The following CA8 variants were observed in gnomAD, a reference collection of about 807,000 sequenced individuals.
CA8 encodes carbonic anhydrase 8 (inactive).
CA8 carries 22 observed loss-of-function variants against 41.4 expected under a neutral mutation model. The ratio of observed to expected loss-of-function variants is 0.53; its 90% CI spans 0.38 to 0.76. The LOEUF (loss-of-function observed/expected upper bound fraction) is 0.76. Among genes scored for constraint, CA8 ranks in the 30% least tolerant of loss-of-function variants. CA8 has a pLI of 0.00. For synonymous variants in CA8, 121 were observed against 130.6 expected, an observed-to-expected ratio of 0.93 and a Z score of 0.50; for missense variants, 270 against 352.8, an observed-to-expected ratio of 0.77 and a Z score of 1.88.
Position 60,194,242 on chromosome 8 carries a change from T to C in CA8, c.*36-4257A>G, listed in dbSNP as rs141308181. Among the ~76,000 whole-genome samples the C allele has an allele frequency of 4.6e-5, 7 of 152,316 alleles. No individual in the cohort carries two copies. In the East Asian group the frequency reaches 1.3e-3, roughly 29 times the overall value. ...ACTTTATTGTCTGATTTGGGTTCTT[T>C]CATTTACAGTTCTTCTTCAAATATC... On this transcript the variant is annotated intron_variant, in intron 8 of 8. Coordinates refer to ENST00000317995, the MANE Select transcript of CA8 (RefSeq NM_004056.6).
chr8:60,267,506 T>A (rs1208284171), intron 2 of CA8, among the ~76,000 whole-genome samples: 3 of 152,348 alleles, frequency 2.0e-5, no homozygotes, highest in Middle Eastern at 3.4e-3. Context: ...GTGTTTGTCC[T>A]CATGCTTGGT....
At chr8:60,221,761 G>C (rs1433679827) in intron 7 of CA8, among the ~76,000 whole-genome samples, 1 of 152,138 alleles carries the variant, frequency 6.6e-6, no homozygotes, top group Non-Finnish European at 1.5e-5. Context: ...CAGAAATAAA[G>C]AGAAATTATT....
chr8:60,204,543 G>C (rs1410046710), intron 8 of CA8, among the ~76,000 whole-genome samples: 1 of 152,146 alleles, frequency 6.6e-6, no homozygotes, highest in African/African-American at 2.4e-5. Flanking sequence ...AGCTCATACA[G>C]CTCTTGTATT....
At chr8:60,200,050 A>T (rs780290020) in intron 8 of CA8, among the ~76,000 whole-genome samples, 2 of 152,182 alleles carry the variant, frequency 1.3e-5, no homozygotes, top group Non-Finnish European at 2.9e-5. Context: ...TAGAGAGGTG[A>T]TTATATTGAT....
At chr8:60,234,293 C>A (rs549524135) in intron 3 of CA8, among the ~76,000 whole-genome samples, 1 of 152,090 alleles carries the variant, frequency 6.6e-6, no homozygotes, top group Non-Finnish European at 1.5e-5. Flanking sequence ...CCAAAAGAAG[C>A]CTAAGAAGAC....
chr8:60,247,392 T>A (rs6471851), intron 3 of CA8, among the ~76,000 whole-genome samples: 10 of 151,764 alleles, frequency 6.6e-5, no homozygotes, highest in African/African-American at 1.9e-4. Flanking sequence ...TTGTCCTAAC[T>A]CTCTCCCTCC....
Position 60,242,181 on chromosome 8 carries a change from G to A in CA8, c.418-9802C>T, listed in dbSNP as rs114510725. On this transcript the variant is annotated intron_variant, in intron 3 of 8. Coordinates refer to ENST00000317995, the MANE Select transcript of CA8 (RefSeq NM_004056.6). ...GAGTGAAAAGGATTAGTGCACAATC[G>A]AAATGTTAAAGGATGCTGTGGGTAT... 4.9e-3 allele frequency among the ~76,000 whole-genome samples: 748 copies of A among 152,306 alleles called. 8 individuals are homozygous for A. The highest frequency in any genetic ancestry group is 0.018 in the East Asian group (94 of 5,184).
rs991247423 is a variant in CA8, at chr8:60,269,878, G to A, written c.293-3829C>T. 3.3e-5 allele frequency among the ~76,000 whole-genome samples: 5 copies of A among 152,134 alleles called. No homozygotes were observed. The East Asian group carries it at 7.7e-4, about 23-fold the overall frequency. ...GGGTAGCAGGAGGGCATCCAGCAAC[G>A]GACAAGCCAATAACAAGCATGAATC... On this transcript the variant is annotated intron_variant, in intron 2 of 8. Coordinates refer to ENST00000317995, the MANE Select transcript of CA8 (RefSeq NM_004056.6).
chr8:60,197,452 C>T (rs1314696526), intron 8 of CA8, among the ~76,000 whole-genome samples: 1 of 152,008 alleles, frequency 6.6e-6, no homozygotes, highest in Non-Finnish European at 1.5e-5. Context: ...ATGTTAAGCA[C>T]TTTAATTGCA....
chr8:60,261,329 A>T (rs552435394), intron 3 of CA8, among the ~76,000 whole-genome samples: 20 of 152,360 alleles, frequency 1.3e-4, no homozygotes, highest in African/African-American at 4.8e-4. Context: ...AAGTCCTTTC[A>T]GAGTACACAG....
At chr8:60,260,728 T>C (rs1410222757) in intron 3 of CA8, among the ~76,000 whole-genome samples, 1 of 152,238 alleles carries the variant, frequency 6.6e-6, no homozygotes, top group Non-Finnish European at 1.5e-5. Context: ...TTTAAATCTA[T>C]ATTTCTTTAG....
chr8:60,216,990 T>C (rs1807042864), intron 7 of CA8, among the ~76,000 whole-genome samples: 1 of 152,172 alleles, frequency 6.6e-6, no homozygotes, highest in Non-Finnish European at 1.5e-5. Flanking sequence ...TTCAAGTGAT[T>C]CTCCTGCCTC....
chr8:60,227,441 C>G (rs531274942), intron 4 of CA8, among the ~76,000 whole-genome samples: 2 of 152,090 alleles, frequency 1.3e-5, no homozygotes, highest in African/African-American at 4.8e-5. Context: ...GTATTAGTTA[C>G]GTAAATGTCC....
chr8:60,210,980 C>A (rs148172631), intron 7 of CA8, among the ~76,000 whole-genome samples: 74 of 152,262 alleles, frequency 4.9e-4, no homozygotes, highest in African/African-American at 1.4e-3. Flanking sequence ...GGAACCTGGT[C>A]AGTGAGAGAA....
chr8:60,273,791 G>GT (rs1192516033), intron 2 of CA8, among the ~76,000 whole-genome samples: 1 of 152,230 alleles, frequency 6.6e-6, no homozygotes, highest in Non-Finnish European at 1.5e-5. Context: ...GGGATGATGA[G>GT]TTCATCAGTG....
At chr8:60,272,958 A>G (rs1474315485) in intron 2 of CA8, among the ~76,000 whole-genome samples, 1 of 152,218 alleles carries the variant, frequency 6.6e-6, no homozygotes, top group African/African-American at 2.4e-5. Context: ...GCAGCTTGCC[A>G]GTTCCTGCAG....
intron 3 of CA8, among the ~76,000 whole-genome samples, chr8:60,255,234 A>C (rs963377369): frequency 2.6e-5 from 4 of 151,960 alleles, no homozygotes; most frequent in Admixed American, 2.6e-4. Context: ...TCCTACCTGG[A>C]ACACCCCCAG....
At chr8:60,259,250 T>C (rs1803653637) in intron 3 of CA8, among the ~76,000 whole-genome samples, 1 of 152,258 alleles carries the variant, frequency 6.6e-6, no homozygotes, top group Non-Finnish European at 1.5e-5. Context: ...TGTATTTTAC[T>C]GCAGAATTTA....
chr8:60,274,187 T>C (rs995542192), intron 2 of CA8, among the ~76,000 whole-genome samples: 1 of 151,672 alleles, frequency 6.6e-6, no homozygotes, highest in African/African-American at 2.4e-5. Context: ...GACAGCCCAC[T>C]GTATTTGCAG....
Sources: allele counts gnomAD v4.1 joint callset (sites outside exome capture counted in the v4.1 genomes callset), GRCh38; gene constraint gnomAD v4.1.1; transcripts MANE v1.5; gene names NCBI Gene and HGNC (gene_info 2026-07-23, HGNC 2026-07-21).